Variants in BAAT observed in about 807,000 individuals in gnomAD.
The protein encoded by BAAT is bile acid CoA: amino acid N-acyltransferase (glycine N-choloyltransferase).
In BAAT, 13 loss-of-function variants were observed where a neutral mutation model predicts 18.9. That is an observed-to-expected ratio of 0.69 (90% CI 0.45 to 1.10). The LOEUF is 1.10. Ranked by LOEUF, BAAT falls within the 50% of genes least tolerant of loss-of-function variation. The pLI is 0.00. For synonymous variants in BAAT, 170 were observed against 190.7 expected (o/e 0.89, Z 0.89); for missense variants, 489 against 504.0 (o/e 0.97, Z 0.28).
chr9:101,384,260 T>G (rs1182276264), intron 1 of BAAT, among the ~76,000 whole-genome samples: 1 of 152,126 alleles, frequency 6.6e-6, no homozygotes, highest in Non-Finnish European at 1.5e-5. Flanking sequence ...CTGGGATACA[T>G]AAAATATTCC....
chr9:101,378,517 G>T (rs1414654624), intron 1 of BAAT, among the ~76,000 whole-genome samples: 1 of 152,194 alleles, frequency 6.6e-6, no homozygotes, highest in Non-Finnish European at 1.5e-5. Context: ...GGGAAAACTG[G>T]CTAGCCATAT....
intron 3 of BAAT, among the ~76,000 whole-genome samples, chr9:101,366,688 C>A (rs937427179): frequency 8.7e-4 from 132 of 152,176 alleles, no homozygotes; most frequent in African/African-American, 3.1e-3. Context: ...ACTGACATTT[C>A]GAGGGCAGTT....
chr9:101,366,494 AAAT>A (rs755838850), intron 3 of BAAT, among the ~76,000 whole-genome samples: 1 of 152,130 alleles, frequency 6.6e-6, no homozygotes, highest in Non-Finnish European at 1.5e-5. Context: ...CTGGGGAAAA[AAAT>A]CTGGTTTCCA....
At chr9:101,376,125 GT>G (rs11420217) in intron 1 of BAAT, 8 of 155,692 alleles carry the variant, frequency 5.1e-5, no homozygotes, top group South Asian at 3.7e-4. Flanking sequence ...TGGCTGGAAT[GT>G]TTTTTTTTTC....
intron 1 of BAAT, among the ~76,000 whole-genome samples, chr9:101,379,846 T>C (rs1036255080): frequency 2.6e-5 from 4 of 152,238 alleles, no homozygotes; most frequent in African/African-American, 9.6e-5. Context: ...CTGTTTTTGA[T>C]TGTAGTCCCT....
intron 3 of BAAT, among the ~76,000 whole-genome samples, chr9:101,367,268 T>A (rs1293730800): frequency 1.3e-5 from 2 of 152,262 alleles, no homozygotes; most frequent in African/African-American, 4.8e-5. Flanking sequence ...TAGTATTATG[T>A]TTAAGGGCTC....
chr9:101,370,815 G>T, intron 2 of BAAT, 124 bp downstream of exon 2: 2 of 1,130,896 alleles, frequency 1.8e-6, no homozygotes, highest in Non-Finnish European at 2.6e-6. Flanking sequence ...TGCATTTAAG[G>T]TGGAAAAACA....
At chr9:101,364,198 C>T (rs547103625) in intron 3 of BAAT, among the ~76,000 whole-genome samples, 114 of 152,282 alleles carry the variant, frequency 7.5e-4, no homozygotes, top group African/African-American at 2.7e-3. Context: ...ATCTATTTCC[C>T]TTTCTCAGCC....
intron 1 of BAAT, among the ~76,000 whole-genome samples, chr9:101,374,492 A>G (rs13294625): frequency 0.32 from 48,720 of 152,044 alleles, 9,162 homozygotes; most frequent in Non-Finnish European, 0.43. Context: ...TTGAAACTCC[A>G]AACTAGAATT....
chr9:101,362,157 TC>T lies in BAAT; in HGVS notation c.*270del, dbSNP rs1402898226. ...CTTATTTTTGCCAGTGTACTATACCTCAGTCCTATTTAGAAGACCTGATGGA... is the reference window on the plus strand; with the variant it reads ...CTTATTTTTGCCAGTGTACTATACCTAGTCCTATTTAGAAGACCTGATGGA... On this transcript the variant is annotated 3_prime_UTR_variant, in exon 4 of 4. Transcript: ENST00000259407. The T allele has an allele frequency of 1.8e-6, 1 of 557,204 alleles. No homozygotes were observed. Among genetic ancestry groups the T allele is most frequent in the Non-Finnish European group, 3.2e-6 (1 of 313,774 alleles). 34.5% of individuals were successfully genotyped at this position (557,204 alleles called of 1,614,324 possible). A position where few individuals can be genotyped will look rare whatever the true frequency, so the allele number is the denominator to read the frequency against.
intron 1 of BAAT, among the ~76,000 whole-genome samples, chr9:101,381,439 G>C (rs918812020): frequency 6.6e-6 from 1 of 152,148 alleles, no homozygotes; most frequent in African/African-American, 2.4e-5. Context: ...CAGAAGAATT[G>C]CTTGAGCCCA....
chr9:101,371,045 A>T lies in BAAT; in HGVS notation c.360T>A (p.Ser120Arg). The T allele has an allele frequency of 1.9e-6, 3 of 1,614,088 alleles. No individual in the cohort carries two copies. The South Asian group carries it at 3.3e-5, about 18-fold the overall frequency. ...LELIVNNKVA[S>R]APKASLTLER... ...CCAAAGTCAGGCTGGCCTTTGGAGC[A>T]CTGGCAACTTTATTGTTCACTATTA... Residue 120 changes from serine to arginine, a missense_variant, in exon 2 of 4, where the codon AGT becomes AGA. By Grantham distance (110) the Ser-to-Arg change is moderately radical. Transcript: ENST00000259407.
At chr9:101,369,662 C>A (rs1423034569) in intron 2 of BAAT, among the ~76,000 whole-genome samples, 1 of 152,112 alleles carries the variant, frequency 6.6e-6, no homozygotes, top group Non-Finnish European at 1.5e-5. Flanking sequence ...GCAATTTGTG[C>A]CATTTAATTC....
chr9:101,382,841 A>G (rs1321719899), intron 1 of BAAT, among the ~76,000 whole-genome samples: 3 of 152,236 alleles, frequency 2.0e-5, no homozygotes, highest in Non-Finnish European at 4.4e-5. Context: ...TAAGTCAATT[A>G]GAAAGTCATT....
At chr9:101,365,000 A>G (rs1213314582) in intron 3 of BAAT, among the ~76,000 whole-genome samples, 1 of 152,224 alleles carries the variant, frequency 6.6e-6, no homozygotes, top group Admixed American at 6.5e-5. Context: ...AGAAAATTAT[A>G]CTGTCCTGAA....
At chr9:101,369,316 T>G (rs934540003) in intron 2 of BAAT, among the ~76,000 whole-genome samples, 1 of 152,188 alleles carries the variant, frequency 6.6e-6, no homozygotes, top group Non-Finnish European at 1.5e-5. Context: ...GTTGAATATA[T>G]CTTAGTTTTA....
chr9:101,381,276 C>T (rs1351764279), intron 1 of BAAT, among the ~76,000 whole-genome samples: 1 of 151,838 alleles, frequency 6.6e-6, no homozygotes, highest in Non-Finnish European at 1.5e-5. Flanking sequence ...AATCCTAGCA[C>T]TTTGGGAGGC....
At chr9:101,380,265 A>G (rs1830111267) in intron 1 of BAAT, among the ~76,000 whole-genome samples, 1 of 152,202 alleles carries the variant, frequency 6.6e-6, no homozygotes, top group Non-Finnish European at 1.5e-5. Flanking sequence ...ACCCTTAGGC[A>G]AATTCCTACA....
At chr9:101,367,261 T>C (rs1564054973) in intron 3 of BAAT, among the ~76,000 whole-genome samples, 1 of 152,072 alleles carries the variant, frequency 6.6e-6, no homozygotes, top group Non-Finnish European at 1.5e-5. Flanking sequence ...GCACTAATAG[T>C]ATTATGTTTA....
Sources: allele counts gnomAD v4.1 joint callset (sites outside exome capture counted in the v4.1 genomes callset), GRCh38; gene constraint gnomAD v4.1.1; transcripts MANE v1.5; gene names NCBI Gene and HGNC (gene_info 2026-07-23, HGNC 2026-07-21).